The following OVOL2 variants were observed in gnomAD, a reference collection of about 807,000 sequenced individuals.
The protein encoded by OVOL2 is ovo like zinc finger 2.
OVOL2 carries 13 observed loss-of-function variants against 18.1 expected under a neutral mutation model. That is an observed-to-expected ratio of 0.72 (90% CI 0.47 to 1.14). The LOEUF is 1.14. Among genes scored for constraint, OVOL2 ranks in the 50% most tolerant of loss-of-function variants. The pLI, the probability that OVOL2 is intolerant of heterozygous loss-of-function variation, is 0.00. For missense variants in OVOL2, 335 were observed against 383.0 expected (o/e 0.87, Z 1.05); for synonymous variants, 166 against 162.7 (o/e 1.02, Z -0.16).
intron 3 of OVOL2, among the ~76,000 whole-genome samples, chr20:18,026,901 G>C (rs1048562332): frequency 2.0e-5 from 3 of 152,038 alleles, no homozygotes; most frequent in African/African-American, 7.2e-5. Flanking sequence ...CACTCAAAAA[G>C]AAGGATGGGA....
chr20:18,047,914 C>T (rs934880146), intron 2 of OVOL2, among the ~76,000 whole-genome samples: 2 of 145,336 alleles, frequency 1.4e-5, no homozygotes, highest in African/African-American at 2.6e-5. Context: ...ATTTAATTAA[C>T]CTGGTGCTTT....
intron 2 of OVOL2, among the ~76,000 whole-genome samples, chr20:18,049,068 G>A (rs376579990): frequency 3.3e-5 from 5 of 152,194 alleles, no homozygotes; most frequent in Admixed American, 1.3e-4. Context: ...GCACGAAGAC[G>A]AAGAGACAAT....
intron 3 of OVOL2, among the ~76,000 whole-genome samples, chr20:18,037,286 C>T (rs62206509): frequency 0.1 from 15,609 of 152,274 alleles, 976 homozygotes; most frequent in South Asian, 0.18. Context: ...CAGGGCCAGC[C>T]AGTTCTGGTT....
Position 18,041,635 on chromosome 20 carries a change from TGACGGTTCAG to T in OVOL2, c.400_409del (p.Leu134ThrfsTer8), listed in dbSNP as rs1182711220. The T allele has an allele frequency of 6.2e-7, 1 of 1,614,012 alleles. No homozygotes were observed. The highest frequency in any genetic ancestry group is 1.3e-5 in the African/African-American group (1 of 74,964). On this transcript the variant is annotated frameshift_variant, in exon 3 of 4. Coordinates refer to ENST00000278780, the MANE Select transcript of OVOL2 (RefSeq NM_021220.4). LOFTEE classifies it high-confidence loss of function. ...TTTCACCTGGTTGTGGCACTTGAGGTGACGGTTCAGCATGCGCTGCAGACGGAAGCCCTTG... is the reference window on the plus strand; with the variant it reads ...TTTCACCTGGTTGTGGCACTTGAGGTCATGCGCTGCAGACGGAAGCCCTTG...
chr20:18,035,173 G>A (rs552294550), intron 3 of OVOL2, among the ~76,000 whole-genome samples: 11 of 152,200 alleles, frequency 7.2e-5, no homozygotes, highest in Admixed American at 6.5e-5. Flanking sequence ...CAGGCCAGGC[G>A]GGTGCAGTGG....
At chr20:18,046,329 G>A (rs921615528) in intron 2 of OVOL2, among the ~76,000 whole-genome samples, 3 of 152,164 alleles carry the variant, frequency 2.0e-5, no homozygotes, top group Admixed American at 2.0e-4. Flanking sequence ...AAAAAACGGT[G>A]GCAGAACCTT....
At chr20:18,051,248 T>A (rs1018261492) in intron 2 of OVOL2, among the ~76,000 whole-genome samples, 2 of 151,984 alleles carry the variant, frequency 1.3e-5, no homozygotes, top group African/African-American at 4.8e-5. Flanking sequence ...AAGAAAGAAC[T>A]AATTAGCCAT....
At chr20:18,027,062 A>G (rs1274507604) in intron 3 of OVOL2, among the ~76,000 whole-genome samples, 1 of 152,032 alleles carries the variant, frequency 6.6e-6, no homozygotes, top group Non-Finnish European at 1.5e-5. Context: ...CAATGTACCC[A>G]TATAAACAAA....
intron 3 of OVOL2, among the ~76,000 whole-genome samples, chr20:18,028,006 A>C (rs1037606633): frequency 1.3e-5 from 2 of 152,008 alleles, no homozygotes; most frequent in Non-Finnish European, 2.9e-5. Context: ...TGCATGGAGC[A>C]TGAAGAGGCC....
At chr20:18,037,352 G>A (rs566329658) in intron 3 of OVOL2, among the ~76,000 whole-genome samples, 2 of 152,198 alleles carry the variant, frequency 1.3e-5, no homozygotes, top group South Asian at 4.1e-4. Context: ...TTCCTCCTCT[G>A]CAAAAGGTGG....
chr20:18,028,756 G>A (rs998423205), intron 3 of OVOL2, among the ~76,000 whole-genome samples: 3 of 151,990 alleles, frequency 2.0e-5, no homozygotes, highest in African/African-American at 7.2e-5. Flanking sequence ...TAGTGCCACC[G>A]CACTCCAGCC....
At chr20:18,046,956 A>C (rs1305316613) in intron 2 of OVOL2, among the ~76,000 whole-genome samples, 1 of 152,162 alleles carries the variant, frequency 6.6e-6, no homozygotes, top group Non-Finnish European at 1.5e-5. Flanking sequence ...AAAAAAAAAA[A>C]ACCTAGATCT....
chr20:18,053,221 T>C (rs1176840380), intron 2 of OVOL2, among the ~76,000 whole-genome samples: 1 of 152,222 alleles, frequency 6.6e-6, no homozygotes, highest in Non-Finnish European at 1.5e-5. Context: ...AAACTTGCTG[T>C]ATGTCACTGT....
At chr20:18,040,351 G>C (rs1377102205) in intron 3 of OVOL2, among the ~76,000 whole-genome samples, 1 of 152,112 alleles carries the variant, frequency 6.6e-6, no homozygotes, top group Non-Finnish European at 1.5e-5. Flanking sequence ...GATCTGAGGT[G>C]GGCTGTGATA....
At chr20:18,037,044 G>A (rs537411274) in intron 3 of OVOL2, among the ~76,000 whole-genome samples, 2 of 150,894 alleles carry the variant, frequency 1.3e-5, no homozygotes, top group Non-Finnish European at 1.5e-5. Flanking sequence ...GCTGAGGCAG[G>A]AGACTGGCGT....
intron 3 of OVOL2, among the ~76,000 whole-genome samples, chr20:18,039,948 C>T (rs557729904): frequency 2.0e-5 from 3 of 152,088 alleles, no homozygotes; most frequent in Admixed American, 6.5e-5. Context: ...CCCTTGAGAC[C>T]GGGTCTTGCT....
At chr20:18,037,114 C>T (rs1258640224) in intron 3 of OVOL2, among the ~76,000 whole-genome samples, 12 of 134,766 alleles carry the variant, frequency 8.9e-5, no homozygotes, top group South Asian at 2.2e-4. Flanking sequence ...CCAGCCTGGG[C>T]GACAGAGCGA....
intron 3 of OVOL2, among the ~76,000 whole-genome samples, chr20:18,035,056 G>A (rs767372766): frequency 3.3e-5 from 5 of 152,160 alleles, no homozygotes; most frequent in African/African-American, 7.2e-5. Flanking sequence ...ACTATCTGTC[G>A]TATTTATGTT....
chr20:18,048,544 T>C (rs2036744075), intron 2 of OVOL2, among the ~76,000 whole-genome samples: 1 of 151,968 alleles, frequency 6.6e-6, no homozygotes, highest in African/African-American at 2.4e-5. Flanking sequence ...CTGGCCAACA[T>C]GGTAAAACCC....
Sources: allele counts gnomAD v4.1 joint callset (sites outside exome capture counted in the v4.1 genomes callset), GRCh38; gene constraint gnomAD v4.1.1; transcripts MANE v1.5; gene names NCBI Gene and HGNC (gene_info 2026-07-23, HGNC 2026-07-21).